The following DERA variants were observed in gnomAD, a reference collection of about 807,000 sequenced individuals.
The protein encoded by DERA is deoxyribose-phosphate aldolase.
DERA carries 15 observed loss-of-function variants against 41.1 expected under a neutral mutation model. The observed-to-expected ratio is 0.37, with a 90% CI of 0.24 to 0.56. The LOEUF is 0.56. Among genes scored for constraint, DERA ranks in the 20% least tolerant of loss-of-function variants. DERA has a pLI of 0.81. For synonymous variants in DERA, 139 were observed against 137.4 expected, an observed-to-expected ratio of 1.01 and a Z score of -0.08; for missense variants, 396 against 403.4, an observed-to-expected ratio of 0.98 and a Z score of 0.16.
chr12:15,949,687 G>A (rs1165555168), intron 1 of DERA, among the ~76,000 whole-genome samples: 1 of 152,134 alleles, frequency 6.6e-6, no homozygotes, highest in Non-Finnish European at 1.5e-5. Context: ...CTCACGCTCA[G>A]TGGGCTGCAC....
chr12:15,974,089 A>G (rs1336575022), intron 5 of DERA, among the ~76,000 whole-genome samples: 1 of 152,140 alleles, frequency 6.6e-6, no homozygotes, highest in African/African-American at 2.4e-5. Context: ...TATGTATTAT[A>G]TACATATTTT....
chr12:16,006,021 C>A (rs946983027), intron 6 of DERA, among the ~76,000 whole-genome samples: 2 of 152,224 alleles, frequency 1.3e-5, no homozygotes, highest in Non-Finnish European at 2.9e-5. Flanking sequence ...TCGGTCCTTA[C>A]ACTTTCATTT....
chr12:16,015,350 G>T (rs1948973968), intron 6 of DERA, among the ~76,000 whole-genome samples: 1 of 152,160 alleles, frequency 6.6e-6, no homozygotes, highest in Non-Finnish European at 1.5e-5. Context: ...AATAATGGGG[G>T]TGGTTTCACC....
rs1371055131 is a variant in DERA, at chr12:15,998,920, G to C, written c.637+16484G>C. 6.6e-6 allele frequency among the ~76,000 whole-genome samples: 1 copy of C among 152,154 alleles called. No homozygotes were observed. The highest frequency in any genetic ancestry group is 1.5e-5 in the Non-Finnish European group (1 of 68,032). ...CAACGCATATACAGTGTTTTTCTAA[G>C]AGCAAGAATTTATATTTTAAATTTA... On this transcript the variant is annotated intron_variant, in intron 6 of 8. Coordinates refer to ENST00000428559, the MANE Select transcript of DERA (RefSeq NM_015954.4). This position sits in a 1 kb window ranked among gnomAD's most constrained non-coding sequence, Gnocchi z 4.8.
rs955713874 is a variant in DERA, at chr12:15,915,417, G to C, written c.31+4003G>C. On this transcript the variant is annotated intron_variant, in intron 1 of 8. Transcript: ENST00000428559. This position sits in a 1 kb window ranked among gnomAD's most constrained non-coding sequence, Gnocchi z 4.8. ...GGTGATGGTGATTTTCCACTGCAAA[G>C]TTAACGTTTAATTTTTGGAATGGAT... is the stretch of plus-strand genomic sequence containing the variant. Among the ~76,000 whole-genome samples, 1 of 152,130 alleles carries C rather than the reference G, an allele frequency of 6.6e-6. No individual in the cohort carries two copies. The highest frequency in any genetic ancestry group is 2.4e-5 in the African/African-American group (1 of 41,422).
rs1163104277 is a variant in DERA at position 15,960,636 on chromosome 12, CAAAAAAAAA to C, written c.373+731_373+739del. Among the ~76,000 whole-genome samples the C allele has an allele frequency of 3.8e-4, 11 of 28,714 alleles. No individual in the cohort carries two copies. In the East Asian group the frequency reaches 6.6e-3, roughly 17 times the overall value. The allele number at this position is 28,714 out of a possible 152,430, so 18.8% of individuals were successfully genotyped here. A position where few individuals can be genotyped will look rare whatever the true frequency, so the allele number is the denominator to read the frequency against. On this transcript the variant is annotated intron_variant, in intron 4 of 8. Coordinates refer to ENST00000428559, the MANE Select transcript of DERA (RefSeq NM_015954.4). ...TGGGTGATAGACCAAGACTCCGTCT[CAAAAAAAAA>C]AAAAAAAAAAAAAAAAAACAACGAT...
chr12:16,016,791 C>CAAAAAAAAAAAA (rs55996641), intron 6 of DERA, among the ~76,000 whole-genome samples: 3 of 58,672 alleles, frequency 5.1e-5, no homozygotes, highest in Admixed American at 2.7e-4. Context: ...GACCCTGTCT[C>CAAAAAAAAAAAA]AAAAAAAAAA....
rs1948782641 is a variant in DERA, at chr12:15,988,770, C to T, written c.637+6334C>T. On this transcript the variant is annotated intron_variant, in intron 6 of 8. Transcript: ENST00000428559. The surrounding 1 kb of genome is among the most constrained non-coding windows in gnomAD (Gnocchi z 6.0). Reference sequence around the variant, plus strand: ...TGCCTAGGAACCTGTCTGCCTCCCACCACCATCATCATGTTGTCCACGGCA... The same window carrying T: ...TGCCTAGGAACCTGTCTGCCTCCCATCACCATCATCATGTTGTCCACGGCA... 6.6e-6 allele frequency among the ~76,000 whole-genome samples: 1 copy of T among 152,190 alleles called. No homozygotes were observed. Among genetic ancestry groups the T allele is most frequent in the Non-Finnish European group, 1.5e-5 (1 of 68,028 alleles).
In DERA at chr12:15,937,508, T is replaced by C. The variant is rs180727423; in HGVS notation, c.32-19428T>C. Among the ~76,000 whole-genome samples the C allele has an allele frequency of 2.8e-4, 42 of 152,342 alleles. No homozygotes were observed. The East Asian group carries it at 7.1e-3, about 26-fold the overall frequency. On this transcript the variant is annotated intron_variant, in intron 1 of 8. Coordinates refer to ENST00000428559, the MANE Select transcript of DERA (RefSeq NM_015954.4). ...CTGCATGTCCTGTATGAGTTGATAC[T>C]CCAATACCATGTGAATGTCTCATTT...
At chr12:16,005,743 A>T (rs1948906043) in intron 6 of DERA, among the ~76,000 whole-genome samples, 1 of 152,234 alleles carries the variant, frequency 6.6e-6, no homozygotes, top group African/African-American at 2.4e-5. Flanking sequence ...ACTTATTTTA[A>T]GTATGGCTAA....
Position 15,967,005 on chromosome 12 carries a change from T to A in DERA, c.508+4058T>A, listed in dbSNP as rs1325897777. ...CCATCATTTACATATAAGTAGACAT[T>A]CAAATATCACTGACCCTTGACAAAA... On this transcript the variant is annotated intron_variant, in intron 5 of 8. Coordinates refer to ENST00000428559, the MANE Select transcript of DERA (RefSeq NM_015954.4). The surrounding 1 kb of genome is among the most constrained non-coding windows in gnomAD (Gnocchi z 4.9). Among the ~76,000 whole-genome samples, 1 of 152,068 alleles carries A rather than the reference T, an allele frequency of 6.6e-6. No homozygotes were observed. Among genetic ancestry groups the A allele is most frequent in the Non-Finnish European group, 1.5e-5 (1 of 68,008 alleles).
chr12:16,031,216 G>A (rs911854899), intron 6 of DERA, among the ~76,000 whole-genome samples: 1 of 152,260 alleles, frequency 6.6e-6, no homozygotes, highest in African/African-American at 2.4e-5. Context: ...TGGTGATTAT[G>A]CGGGGTTTAC....
intron 1 of DERA, among the ~76,000 whole-genome samples, chr12:15,950,458 G>A (rs1328320719): frequency 6.6e-6 from 1 of 152,176 alleles, no homozygotes; most frequent in Non-Finnish European, 1.5e-5. Flanking sequence ...ACTGCAACCT[G>A]TTTTATCAGC....
At chr12:15,926,761 AG>A (rs1364166320) in intron 1 of DERA, among the ~76,000 whole-genome samples, 2 of 150,832 alleles carry the variant, frequency 1.3e-5, no homozygotes, top group Admixed American at 6.6e-5. Context: ...AAAAAAAAAA[AG>A]AAACAAGAGA....
At chr12:15,916,857 C>T (rs950019225) in intron 1 of DERA, among the ~76,000 whole-genome samples, 24 of 152,208 alleles carry the variant, frequency 1.6e-4, no homozygotes, top group African/African-American at 5.3e-4. Context: ...AGCAGTTCTC[C>T]CTCTGTGGCC....
Position 15,995,446 on chromosome 12 carries a change from CTGTTGA to C in DERA, c.637+13014_637+13019del, listed in dbSNP as rs1948830483. Among the ~76,000 whole-genome samples the C allele has an allele frequency of 1.3e-5, 2 of 152,148 alleles. No homozygotes were observed. Among genetic ancestry groups the C allele is most frequent in the East Asian group, 3.9e-4 (2 of 5,184 alleles). On this transcript the variant is annotated intron_variant, in intron 6 of 8. Transcript: ENST00000428559. This position sits in a 1 kb window ranked among gnomAD's most constrained non-coding sequence, Gnocchi z 5.1. ...CCACTGTTATTTGTGTTTAGCTACT[CTGTTGA>C]TGTCCCTGTAGTGATGCACTTAGAA...
intron 1 of DERA, chr12:15,956,628 G>A (rs1296716907): frequency 2.9e-5 from 12 of 416,114 alleles, no homozygotes; most frequent in Admixed American, 1.2e-4. Flanking sequence ...CATTTCCCAC[G>A]TCGTTAGACA....
In DERA at chr12:16,013,528, C is replaced by A. The variant is rs1948960528; in HGVS notation, c.638-19014C>A. On this transcript the variant is annotated intron_variant, in intron 6 of 8. Transcript: ENST00000428559. This position sits in a 1 kb window ranked among gnomAD's most constrained non-coding sequence, Gnocchi z 5.8. ...ACCTTCTGCCATGATTGTAAGTTTC[C>A]TGAGGCCTCCCCAGCCATGCTGAAC... Among the ~76,000 whole-genome samples the A allele has an allele frequency of 6.6e-6, 1 of 152,176 alleles. No individual in the cohort carries two copies. The highest frequency in any genetic ancestry group is 1.5e-5 in the Non-Finnish European group (1 of 68,024).
Position 15,914,799 on chromosome 12 carries a change from A to G in DERA, c.31+3385A>G, listed in dbSNP as rs1393610885. Among the ~76,000 whole-genome samples the G allele has an allele frequency of 5.9e-5, 9 of 152,042 alleles. No homozygotes were observed. In the East Asian group the frequency reaches 1.7e-3, roughly 29 times the overall value. The stretch of plus-strand genomic sequence containing the variant: ...GGGATTTTGTATTTTTTTTCGAGAC[A>G]GAGTCTCCCTCTGTTGCCCAGGCTG... On this transcript the variant is annotated intron_variant, in intron 1 of 8. Transcript: ENST00000428559.
Sources: allele counts gnomAD v4.1 joint callset (sites outside exome capture counted in the v4.1 genomes callset), GRCh38; gene constraint gnomAD v4.1.1; non-coding constraint Gnocchi (gnomAD v3.1); transcripts MANE v1.5; gene names NCBI Gene and HGNC (gene_info 2026-07-23, HGNC 2026-07-21).